Variants in FYN observed in about 807,000 individuals in gnomAD.
The protein encoded by FYN is FYN proto-oncogene, Src family tyrosine kinase.
FYN carries 10 observed loss-of-function variants against 70.2 expected under a neutral mutation model. That is an observed-to-expected ratio of 0.14 (90% CI 0.09 to 0.24). FYN has a LOEUF of 0.24. Among genes scored for constraint, FYN ranks in the 10% least tolerant of loss-of-function variants. The pLI is 1.00. For synonymous variants in FYN, 236 were observed against 248.6 expected (o/e 0.95, Z 0.48); for missense variants, 319 against 673.1 (o/e 0.47, Z 5.82).
intron 2 of FYN, among the ~76,000 whole-genome samples, chr6:111,792,360 C>CAG (rs2128514551): frequency 6.6e-6 from 1 of 152,318 alleles, no homozygotes; most frequent in South Asian, 2.1e-4. Flanking sequence ...GGTAAGGATA[C>CAG]AGAGCAACTG....
chr6:111,758,552 C>T (rs1802851120), intron 3 of FYN, among the ~76,000 whole-genome samples: 1 of 152,222 alleles, frequency 6.6e-6, no homozygotes, highest in Admixed American at 6.5e-5. Flanking sequence ...AGTATAGTTT[C>T]ATGGCAGTGA....
intron 2 of FYN, among the ~76,000 whole-genome samples, chr6:111,843,533 T>C (rs1773427215): frequency 1.3e-5 from 2 of 152,174 alleles, no homozygotes; most frequent in Non-Finnish European, 2.9e-5. Context: ...GTCCCCCTCT[T>C]TTATCTTTGA....
At chr6:111,816,953 TAGTA>T (rs1772507618) in intron 2 of FYN, among the ~76,000 whole-genome samples, 1 of 152,212 alleles carries the variant, frequency 6.6e-6, no homozygotes, top group African/African-American at 2.4e-5. Flanking sequence ...GTCTGCTACA[TAGTA>T]AGACTGAAAA....
intron 1 of FYN, among the ~76,000 whole-genome samples, chr6:111,848,016 C>G (rs2114483313): frequency 6.6e-6 from 1 of 152,332 alleles, no homozygotes; most frequent in East Asian, 1.9e-4. Flanking sequence ...TTTGGCTAAC[C>G]CACTAGGGAT....
At chr6:111,785,325 C>T (rs527846889) in intron 2 of FYN, among the ~76,000 whole-genome samples, 104 of 152,302 alleles carry the variant, frequency 6.8e-4, no homozygotes, top group East Asian at 3.9e-4. Flanking sequence ...CTTGAGGGCA[C>T]GAATTTTGTT....
chr6:111,767,532 CT>C lies in FYN; in HGVS notation c.-12+13033del, dbSNP rs1208265990. Among the ~76,000 whole-genome samples the C allele has an allele frequency of 2.0e-5, 3 of 152,270 alleles. No homozygotes were observed. The East Asian group carries it at 5.8e-4, about 29-fold the overall frequency. ...TTCTCCTGTCTCAGCCTCCGAGTAG[CT>C]GGGACTACAGGCATGCACCACCACA... On this transcript the variant is annotated intron_variant, in intron 3 of 13. Transcript: ENST00000354650.
At chr6:111,786,729 C>G (rs1583443646) in intron 2 of FYN, among the ~76,000 whole-genome samples, 6 of 152,120 alleles carry the variant, frequency 3.9e-5, no homozygotes, top group Middle Eastern at 6.8e-3. Flanking sequence ...AGCACCTGTT[C>G]TTTCCTGACT....
intron 3 of FYN, among the ~76,000 whole-genome samples, chr6:111,741,672 G>T (rs531339099): frequency 1.1e-4 from 17 of 152,146 alleles, no homozygotes; most frequent in Non-Finnish European, 2.2e-4. Flanking sequence ...GATCTTAGAG[G>T]ACATTTGGTC....
chr6:111,688,975 A>AT (rs1410447507), intron 12 of FYN, among the ~76,000 whole-genome samples: 5 of 151,964 alleles, frequency 3.3e-5, no homozygotes, highest in South Asian at 2.1e-4. Flanking sequence ...TGAAAGATTG[A>AT]TTTTTTCCCT....
chr6:111,769,765 C>T (rs1301181899), intron 3 of FYN, among the ~76,000 whole-genome samples: 4 of 151,972 alleles, frequency 2.6e-5, no homozygotes, highest in Non-Finnish European at 5.9e-5. Context: ...TTGAAAAATG[C>T]CAATGAATTA....
At chr6:111,852,323 G>A (rs1773707600) in intron 1 of FYN, among the ~76,000 whole-genome samples, 1 of 152,202 alleles carries the variant, frequency 6.6e-6, no homozygotes, top group Non-Finnish European at 1.5e-5. Flanking sequence ...GAAGAGAGCT[G>A]CAGTAGACTT....
chr6:111,762,414 T>C (rs1206377067), intron 3 of FYN, among the ~76,000 whole-genome samples: 2 of 152,140 alleles, frequency 1.3e-5, no homozygotes, highest in Admixed American at 6.5e-5. Context: ...GGAAAACTAG[T>C]TCAGGCCATG....
At chr6:111,698,398 G>T (rs987096070) in intron 9 of FYN, among the ~76,000 whole-genome samples, 2 of 152,206 alleles carry the variant, frequency 1.3e-5, no homozygotes, top group African/African-American at 4.8e-5. Flanking sequence ...CTCCCAAAGT[G>T]CTGGGATTAC....
At chr6:111,777,357 C>CTTTTTTTTTTTTTTTTTTTTTTT (rs1562517057) in intron 3 of FYN, among the ~76,000 whole-genome samples, 3 of 152,060 alleles carry the variant, frequency 2.0e-5, no homozygotes, top group African/African-American at 7.3e-5. Flanking sequence ...AAGATATTTC[C>CTTTTTTTTTTTTTTTTTTTTTTT]ATTTTTAAAC....
chr6:111,707,870 G>A (rs573646943), intron 6 of FYN, 52 bp downstream of exon 6: 20 of 1,376,812 alleles, frequency 1.5e-5, no homozygotes, highest in African/African-American at 1.3e-4. Flanking sequence ...ATTTTATTGC[G>A]GCAATCAACT....
chr6:111,679,924 G>A (rs1270280356), intron 12 of FYN, among the ~76,000 whole-genome samples: 2 of 152,122 alleles, frequency 1.3e-5, no homozygotes, highest in Admixed American at 6.5e-5. Flanking sequence ...GCAGAAAGAC[G>A]AGGTGGCAAG....
intron 2 of FYN, among the ~76,000 whole-genome samples, chr6:111,829,196 A>G (rs1772933709): frequency 6.6e-6 from 1 of 152,202 alleles, no homozygotes; most frequent in Admixed American, 6.5e-5. Context: ...CAGATTTTCA[A>G]AACAGTCTTA....
intron 2 of FYN, among the ~76,000 whole-genome samples, chr6:111,786,633 T>A (rs1439902488): frequency 6.6e-6 from 1 of 152,258 alleles, no homozygotes; most frequent in African/African-American, 2.4e-5. Context: ...CCTTGAGGAA[T>A]CGCCACACTG....
At chr6:111,670,095 A>G (rs976526069) in intron 13 of FYN, among the ~76,000 whole-genome samples, 1 of 152,194 alleles carries the variant, frequency 6.6e-6, no homozygotes, top group Non-Finnish European at 1.5e-5. Context: ...GAAGACAGCA[A>G]GAGAGAAATC....
Sources: gnomAD v4.1 joint callset for allele counts (sites outside exome capture counted in the v4.1 genomes callset) on GRCh38, gnomAD v4.1.1 for gene constraint, MANE v1.5 for transcripts, NCBI Gene and HGNC (gene_info 2026-07-23, HGNC 2026-07-21) for gene names.